The following SAMMSON variants were observed in gnomAD, a reference collection of about 807,000 sequenced individuals.
SAMMSON encodes the protein long intergenic non-protein coding RNA 1212.
intron 2 of SAMMSON, among the ~76,000 whole-genome samples, chr3:70,412,429 C>T (rs1361574167): frequency 6.6e-6 from 1 of 152,098 alleles, no homozygotes; most frequent in African/African-American, 2.4e-5. Flanking sequence ...TTTCTTTAAA[C>T]TTTGGAAAAA....
In SAMMSON at chr3:70,202,700, T is replaced by C. The variant is rs182162081; in HGVS notation, n.508-46407T>C. ...AGCAAAAAGCCATGACAAAAACCCC[T>C]TTGGGCTTCATTTCCTTTCTACACC... is the stretch of plus-strand genomic sequence containing the variant. On this transcript the variant is annotated intron_variant and non_coding_transcript_variant, in intron 4 of 9. Coordinates refer to ENST00000642114, the Ensembl canonical transcript of SAMMSON. Among the ~76,000 whole-genome samples, 321 of 152,166 alleles carry C rather than the reference T, an allele frequency of 2.1e-3. 1 individual carries two copies. Among genetic ancestry groups the C allele is most frequent in the African/African-American group, 7.3e-3 (304 of 41,516 alleles).
intron 6 of SAMMSON, among the ~76,000 whole-genome samples, chr3:70,252,444 C>T (rs950702046): frequency 4.6e-5 from 7 of 151,962 alleles, no homozygotes; most frequent in African/African-American, 1.5e-4. Flanking sequence ...TAATAACTGT[C>T]GATGGATTAT....
chr3:70,293,411 T>G (rs1001734585), intron 7 of SAMMSON, among the ~76,000 whole-genome samples: 2 of 152,178 alleles, frequency 1.3e-5, no homozygotes, highest in African/African-American at 4.8e-5. Flanking sequence ...GGATACTTTG[T>G]AATATCAGCA....
intron 6 of SAMMSON, among the ~76,000 whole-genome samples, chr3:70,289,322 T>A (rs1702203187): frequency 1.3e-5 from 2 of 151,858 alleles, no homozygotes; most frequent in African/African-American, 2.4e-5. Context: ...CTTATGAAGC[T>A]TAGTTTGGCT....
At chr3:70,308,051 A>ATATAT (rs1489293516) in intron 7 of SAMMSON, among the ~76,000 whole-genome samples, 1 of 151,904 alleles carries the variant, frequency 6.6e-6, no homozygotes, top group Non-Finnish European at 1.5e-5. Context: ...TGCCTGGTGC[A>ATATAT]TATATTTTAT....
intron 7 of SAMMSON, among the ~76,000 whole-genome samples, chr3:70,336,554 G>T (rs1702661629): frequency 6.6e-6 from 1 of 151,904 alleles, no homozygotes; most frequent in South Asian, 2.1e-4. Context: ...CAAGCGTCAG[G>T]AAACTAACAT....
At position 70,409,324 on chromosome 3, in the gene SAMMSON, G is replaced by A. The variant is rs556708500; in HGVS notation, n.233+51000G>A. Among the ~76,000 whole-genome samples the A allele has an allele frequency of 7.9e-5, 12 of 152,140 alleles. No homozygotes were observed. In the South Asian group the frequency reaches 2.3e-3, roughly 29 times the overall value. Reference sequence around the variant, plus strand: ...CATTCCATCAGGATATGAGAATTTGGAAATGACATTTTAATTTTCTTTGAG... The same window carrying A: ...CATTCCATCAGGATATGAGAATTTGAAAATGACATTTTAATTTTCTTTGAG... On this transcript the variant is annotated intron_variant and non_coding_transcript_variant, in intron 2 of 3. Coordinates refer to the SAMMSON transcript ENST00000641053.
intron 4 of SAMMSON, chr3:70,071,646 G>T (rs545012095): frequency 6.6e-6 from 1 of 151,908 alleles, no homozygotes; most frequent in African/African-American, 2.4e-5. Context: ...TTTAAGCCTC[G>T]CGATTCCTAA....
chr3:70,109,621 C>T (rs1468904149), intron 4 of SAMMSON, among the ~76,000 whole-genome samples: 6 of 152,246 alleles, frequency 3.9e-5, no homozygotes, highest in Middle Eastern at 3.4e-3. Flanking sequence ...TACTCTCCTG[C>T]GCATCATATT....
chr3:70,342,896 G>T (rs1463215733), intron 7 of SAMMSON, among the ~76,000 whole-genome samples: 1 of 152,134 alleles, frequency 6.6e-6, no homozygotes, highest in Non-Finnish European at 1.5e-5. Flanking sequence ...GAGGTGGCTT[G>T]TTCCTATATT....
At chr3:70,425,392 A>AT (rs1213972305) in intron 2 of SAMMSON, among the ~76,000 whole-genome samples, 2 of 151,124 alleles carry the variant, frequency 1.3e-5, no homozygotes, top group Middle Eastern at 3.4e-3. Context: ...CAAGTTGTCT[A>AT]TTTTTTTATT....
chr3:70,156,928 G>A (rs1035113774), intron 4 of SAMMSON, among the ~76,000 whole-genome samples: 4 of 152,004 alleles, frequency 2.6e-5, no homozygotes, highest in African/African-American at 9.7e-5. Flanking sequence ...GTTCAATAGA[G>A]TTTAACAGAG....
intron 4 of SAMMSON, among the ~76,000 whole-genome samples, chr3:70,200,385 C>A (rs1171191800): frequency 6.6e-6 from 1 of 152,166 alleles, no homozygotes; most frequent in Non-Finnish European, 1.5e-5. Context: ...ACTTCTGGAC[C>A]TACTTTACTT....
At chr3:70,073,793 CTTGGAAGGGTGTGACCCAGA>C (rs2067238527) in intron 4 of SAMMSON, among the ~76,000 whole-genome samples, 1 of 152,004 alleles carries the variant, frequency 6.6e-6, no homozygotes, top group African/African-American at 2.4e-5. Flanking sequence ...CAGCCATAGA[CTTGGAAGGGTGTGACCCAGA>C]TTGGAATCCT....
intron 7 of SAMMSON, among the ~76,000 whole-genome samples, chr3:70,293,849 T>C (rs1702264885): frequency 6.6e-6 from 1 of 152,032 alleles, no homozygotes; most frequent in South Asian, 2.1e-4. Flanking sequence ...AGAATCAACT[T>C]ACCACTTTCA....
chr3:70,285,429 T>A (rs992728322), intron 6 of SAMMSON, among the ~76,000 whole-genome samples: 5 of 152,170 alleles, frequency 3.3e-5, no homozygotes, highest in African/African-American at 1.2e-4. Flanking sequence ...GGTGTATATA[T>A]GCCACATTTT....
chr3:70,075,162 G>A (rs1046746169), intron 4 of SAMMSON: 10 of 152,002 alleles, frequency 6.6e-5, no homozygotes, highest in African/African-American at 2.4e-4. Context: ...ATGGAATTAC[G>A]TTGCAATTTG....
At chr3:70,246,917 C>T (rs962260442) in intron 4 of SAMMSON, among the ~76,000 whole-genome samples, 1 of 151,890 alleles carries the variant, frequency 6.6e-6, no homozygotes, top group Non-Finnish European at 1.5e-5. Context: ...TTAGACATGA[C>T]TCTTTTTTCA....
intron 1 of SAMMSON, among the ~76,000 whole-genome samples, chr3:70,002,027 T>G (rs866724941): frequency 1.3e-5 from 2 of 152,164 alleles, no homozygotes; most frequent in Admixed American, 6.5e-5. Flanking sequence ...TATATCAGAG[T>G]ATAGAGACCT....
Sources: allele counts gnomAD v4.1 joint callset (sites outside exome capture counted in the v4.1 genomes callset), GRCh38; gene constraint gnomAD v4.1.1; transcripts MANE v1.5; gene names NCBI Gene and HGNC (gene_info 2026-07-23, HGNC 2026-07-21).